The following NCAM2 variants were observed in gnomAD, a reference collection of about 807,000 sequenced individuals.
NCAM2 encodes N-CAM-2.
Under a neutral mutation model 98.1 loss-of-function variants are expected in NCAM2, and 30 were observed. The ratio of observed to expected loss-of-function variants is 0.31; its 90% CI spans 0.23 to 0.41. NCAM2 has a LOEUF of 0.41. Among genes scored for constraint, NCAM2 ranks in the 10% least tolerant of loss-of-function variants. The pLI is 1.00. For missense variants in NCAM2, 867 were observed against 1,005.8 expected (o/e 0.86, Z 1.87); for synonymous variants, 368 against 342.4 (o/e 1.07, Z -0.83).
At chr21:21,210,493 A>G in intron 1 of NCAM2, 1 of 1,258,674 alleles carries the variant, frequency 7.9e-7, no homozygotes, top group Non-Finnish European at 1.0e-6. Context: ...ACAAGTAATT[A>G]AAAACTCAAA....
At chr21:21,235,863 T>C (rs2070799566) in intron 1 of NCAM2, among the ~76,000 whole-genome samples, 1 of 152,062 alleles carries the variant, frequency 6.6e-6, no homozygotes, top group African/African-American at 2.4e-5. Context: ...TTGTTATATG[T>C]CCTCAGAGAA....
At chr21:21,125,484 AG>A (rs2066780955) in intron 1 of NCAM2, among the ~76,000 whole-genome samples, 1 of 6,254 alleles carries the variant, frequency 1.6e-4, no homozygotes, top group Non-Finnish European at 6.9e-4. Context: ...ATCTATATAT[AG>A]ATATATATGT....
intron 9 of NCAM2, among the ~76,000 whole-genome samples, chr21:21,393,486 G>C (rs148330044): frequency 6.6e-6 from 1 of 151,992 alleles, no homozygotes; most frequent in Non-Finnish European, 1.5e-5. Flanking sequence ...TCTTATGACT[G>C]TTTATTTTAA....
intron 15 of NCAM2, among the ~76,000 whole-genome samples, chr21:21,506,081 A>C (rs1187685713): frequency 6.6e-6 from 1 of 152,118 alleles, no homozygotes; most frequent in East Asian, 1.9e-4. Flanking sequence ...TGTGTATAAT[A>C]AATCAGATAT....
intron 1 of NCAM2, among the ~76,000 whole-genome samples, chr21:21,267,323 G>A (rs1039282423): frequency 6.6e-6 from 1 of 152,132 alleles, no homozygotes; most frequent in African/African-American, 2.4e-5. Context: ...TAAGGCAATA[G>A]ACTGTTTTCA....
chr21:21,244,480 C>A (rs2071184881), intron 1 of NCAM2, among the ~76,000 whole-genome samples: 1 of 152,162 alleles, frequency 6.6e-6, no homozygotes, highest in Non-Finnish European at 1.5e-5. Context: ...CCAAAAATTA[C>A]CTTAAATAAT....
intron 9 of NCAM2, among the ~76,000 whole-genome samples, chr21:21,409,021 A>G (rs1011255340): frequency 7.2e-6 from 1 of 138,472 alleles, no homozygotes; most frequent in African/African-American, 2.5e-5. Context: ...AATGACTTAA[A>G]TTGATAATTT....
chr21:21,260,501 A>C (rs994923678), intron 1 of NCAM2, among the ~76,000 whole-genome samples: 4 of 151,952 alleles, frequency 2.6e-5, no homozygotes, highest in Admixed American at 2.0e-4. Context: ...GTAACAGCGG[A>C]CTTTTCAGCA....
Position 21,266,493 on chromosome 21 carries a change from C to T in NCAM2, c.56-14085C>T, listed in dbSNP as rs116664358. Among the ~76,000 whole-genome samples, 435 of 151,958 alleles carry T rather than the reference C, an allele frequency of 2.9e-3. 2 individuals are homozygous for T. The highest frequency in any genetic ancestry group is 0.01 in the African/African-American group (415 of 41,454). Reference sequence around the variant, plus strand: ...AACCCAAATGTCCATAAATGGTAGACGTATTAAGAAAATGTGGCACATATA... The same window carrying T: ...AACCCAAATGTCCATAAATGGTAGATGTATTAAGAAAATGTGGCACATATA... On this transcript the variant is annotated intron_variant, in intron 1 of 17. Coordinates refer to ENST00000400546, the MANE Select transcript of NCAM2 (RefSeq NM_004540.5).
chr21:21,246,802 T>A, intron 1 of NCAM2, among the ~76,000 whole-genome samples: 1 of 152,192 alleles, frequency 6.6e-6, no homozygotes, highest in South Asian at 2.1e-4. Flanking sequence ...CAGAAAACTG[T>A]CAATTATATT....
chr21:21,070,765 A>G (rs1163618059), intron 1 of NCAM2, among the ~76,000 whole-genome samples: 1 of 152,230 alleles, frequency 6.6e-6, no homozygotes, highest in Non-Finnish European at 1.5e-5. Context: ...GGATATTCAA[A>G]TAGCCTTTCC....
chr21:21,067,392 T>C (rs954739422), intron 1 of NCAM2, among the ~76,000 whole-genome samples: 2 of 152,136 alleles, frequency 1.3e-5, no homozygotes, highest in African/African-American at 4.8e-5. Flanking sequence ...AATTTTACAA[T>C]ATGCTACTGA....
Position 21,540,651 on chromosome 21 carries a change from TGA to T in NCAM2, c.*2698_*2699del, listed in dbSNP as rs1006826468. 29 of 152,178 alleles carry T rather than the reference TGA, an allele frequency of 1.9e-4. No individual in the cohort carries two copies. The highest frequency in any genetic ancestry group is 6.7e-4 in the African/African-American group (28 of 41,574). 9.4% of individuals were successfully genotyped at this position (152,178 alleles called of 1,614,324 possible). A position where few individuals can be genotyped will look rare whatever the true frequency, so the allele number is the denominator to read the frequency against. On this transcript the variant is annotated 3_prime_UTR_variant, in exon 18 of 18. Transcript: ENST00000400546. The stretch of plus-strand genomic sequence containing the variant: ...CCATATAAATGTTATTTTTATTGTC[TGA>T]GAGTACTCTTAAATATTAGTATAAA...
At chr21:21,138,775 AATAG>A (rs1295629527) in intron 1 of NCAM2, among the ~76,000 whole-genome samples, 17 of 152,210 alleles carry the variant, frequency 1.1e-4, no homozygotes. Context: ...CTGATACCAA[AATAG>A]ATATATATAT....
chr21:21,518,050 C>T (rs564874228), intron 16 of NCAM2, among the ~76,000 whole-genome samples: 1 of 152,118 alleles, frequency 6.6e-6, no homozygotes, highest in African/African-American at 2.4e-5. Context: ...TTCTGCTCCA[C>T]ATGTTGTGTG....
chr21:21,091,364 A>G (rs1476055826), intron 1 of NCAM2, among the ~76,000 whole-genome samples: 1 of 151,976 alleles, frequency 6.6e-6, no homozygotes, highest in Non-Finnish European at 1.5e-5. Flanking sequence ...TTTCATCCCT[A>G]TTGCTCACGT....
intron 1 of NCAM2, among the ~76,000 whole-genome samples, chr21:21,205,400 C>G (rs765651362): frequency 6.6e-6 from 1 of 151,974 alleles, no homozygotes; most frequent in Admixed American, 6.6e-5. Context: ...TGGAGTGTAG[C>G]CTTTATTTTG....
chr21:21,274,388 A>T (rs1223655489), intron 1 of NCAM2, among the ~76,000 whole-genome samples: 1 of 152,134 alleles, frequency 6.6e-6, no homozygotes, highest in Non-Finnish European at 1.5e-5. Context: ...AATATTCATG[A>T]ATTCCTAAAA....
chr21:21,324,419 A>G lies in NCAM2; in HGVS notation c.656A>G (p.Asn219Ser). The G allele has an allele frequency of 6.2e-7, 1 of 1,613,740 alleles. No individual in the cohort carries two copies. The highest frequency in any genetic ancestry group is 8.5e-7 in the Non-Finnish European group (1 of 1,179,766). Residue 219 changes from asparagine to serine, a missense_variant, in exon 6 of 18, where the codon AAT (asparagine) becomes AGT (serine). Physicochemically the swap from Asn to Ser is conservative, Grantham distance 46. Coordinates refer to ENST00000400546, the MANE Select transcript of NCAM2 (RefSeq NM_004540.5). ...PAISMPQKSF[N>S]ATAERGEEMT... ...ATCTCAATGCCTCAGAAATCTTTTA[A>G]TGCCACAGCAGAGAGAGGAGAAGAA...
Sources: allele counts gnomAD v4.1 joint callset (sites outside exome capture counted in the v4.1 genomes callset), GRCh38; gene constraint gnomAD v4.1.1; transcripts MANE v1.5; gene names NCBI Gene and HGNC (gene_info 2026-07-23, HGNC 2026-07-21).